Variants in SHANK2 observed in about 807,000 individuals in gnomAD.
SHANK2 encodes SH3 and multiple ankyrin repeat domains protein 2.
Under a neutral mutation model 133.7 loss-of-function variants are expected in SHANK2, and 43 were observed. The ratio of observed to expected loss-of-function variants is 0.32; its 90% CI spans 0.25 to 0.41. The LOEUF is 0.41. Among genes scored for constraint, SHANK2 ranks in the 10% least tolerant of loss-of-function variants. The pLI is 1.00. For synonymous variants in SHANK2, 1,017 were observed against 952.8 expected (o/e 1.07, Z -1.24); for missense variants, 1,994 against 2,235.8 (o/e 0.89, Z 2.18).
intron 11 of SHANK2, among the ~76,000 whole-genome samples, chr11:70,836,768 C>T (rs1326654849): frequency 6.6e-6 from 1 of 152,246 alleles, no homozygotes; most frequent in African/African-American, 2.4e-5. Context: ...GCACCTGAGA[C>T]CATCTGAGGC....
rs539015640 is a variant in SHANK2 at position 70,889,721 on chromosome 11, C to T, written c.1174+6780G>A. Among the ~76,000 whole-genome samples, 5 of 152,258 alleles carry T rather than the reference C, an allele frequency of 3.3e-5. No individual in the cohort carries two copies. In the East Asian group the frequency reaches 5.8e-4, roughly 18 times the overall value. On this transcript the variant is annotated intron_variant, in intron 11 of 25. Coordinates refer to ENST00000601538, the MANE Select transcript of SHANK2 (RefSeq NM_012309.5). ...CCAAATCATACAGGCCGCTGGGCAG[C>T]GGGGGCCTCAGTGGGTAGGAGAGGG...
At chr11:70,571,460 C>T (rs2060044391) in intron 17 of SHANK2, 3 of 152,208 alleles carry the variant, frequency 2.0e-5, no homozygotes, top group African/African-American at 7.2e-5. Flanking sequence ...TACCATCGTG[C>T]TACTTTTTCT....
At chr11:70,864,177 G>A (rs1460174641) in intron 11 of SHANK2, 3 of 204,798 alleles carry the variant, frequency 1.5e-5, no homozygotes, top group African/African-American at 7.1e-5. Flanking sequence ...CCATCATTTG[G>A]AAAGGGAAAA....
At chr11:71,124,309 GA>G (rs1452788531) in intron 3 of SHANK2, among the ~76,000 whole-genome samples, 2 of 108,734 alleles carry the variant, frequency 1.8e-5, no homozygotes, top group Non-Finnish European at 4.0e-5. Context: ...CAATCATGAT[GA>G]TAGTGATGGT....
rs557206432 is a variant in SHANK2 at position 71,164,300 on chromosome 11, G to A, written c.-12-16962C>T. Among the ~76,000 whole-genome samples the A allele has an allele frequency of 7.9e-5, 12 of 152,316 alleles. No homozygotes were observed. In the South Asian group the frequency reaches 2.5e-3, roughly 32 times the overall value. ...TGGCCTTTGAAGATTAAATATCACA[G>A]CACATTGCATCTCAGCAGTGTCTGT... On this transcript the variant is annotated intron_variant, in intron 2 of 25. Coordinates refer to ENST00000601538, the MANE Select transcript of SHANK2 (RefSeq NM_012309.5).
intron 10 of SHANK2, among the ~76,000 whole-genome samples, chr11:70,942,257 C>A (rs2135851055): frequency 6.6e-6 from 1 of 152,272 alleles, no homozygotes; most frequent in East Asian, 1.9e-4. Flanking sequence ...AGTTCAAGGG[C>A]ATCGCCTTGG....
intron 17 of SHANK2, chr11:70,604,412 C>T (rs1390954398): frequency 1.3e-5 from 2 of 152,406 alleles, no homozygotes; most frequent in African/African-American, 4.8e-5. Flanking sequence ...ACCCTCTGCC[C>T]TCTGAATGGT....
intron 1 of SHANK2, among the ~76,000 whole-genome samples, chr11:71,245,737 A>C (rs1954952565): frequency 6.6e-6 from 1 of 152,254 alleles, no homozygotes; most frequent in African/African-American, 2.4e-5. Context: ...GACGAGGGGC[A>C]GTAGCGACGC....
intron 2 of SHANK2, among the ~76,000 whole-genome samples, chr11:71,215,131 T>C (rs1353120144): frequency 6.6e-6 from 1 of 152,124 alleles, no homozygotes; most frequent in African/African-American, 2.4e-5. Flanking sequence ...TGCGATGTCC[T>C]TCATCAAAAC....
At chr11:70,574,814 AG>A (rs2060095103) in intron 17 of SHANK2, among the ~76,000 whole-genome samples, 1 of 152,176 alleles carries the variant, frequency 6.6e-6, no homozygotes, top group African/African-American at 2.4e-5. Flanking sequence ...AGGACATGGA[AG>A]CCCCTCTGAA....
rs1045705030 is a variant in SHANK2, at chr11:71,085,221, T to C, written c.912+7201A>G. On this transcript the variant is annotated intron_variant, in intron 8 of 25. Coordinates refer to ENST00000601538, the MANE Select transcript of SHANK2 (RefSeq NM_012309.5). ...CCTGTAATCCCAGCACTTTGGGAGG[T>C]TGAGGAGGGCAGATCACTTGAGGTC... Among the ~76,000 whole-genome samples, 320 of 151,590 alleles carry C rather than the reference T, an allele frequency of 2.1e-3. 1 individual carries two copies. The highest frequency in any genetic ancestry group is 7.2e-3 in the African/African-American group (299 of 41,302).
At chr11:70,606,907 C>A (rs2060586426) in intron 17 of SHANK2, among the ~76,000 whole-genome samples, 1 of 152,204 alleles carries the variant, frequency 6.6e-6, no homozygotes, top group African/African-American at 2.4e-5. Context: ...GCCCTTAAAT[C>A]TCTGCACAGC....
At chr11:70,563,766 G>A (rs993719321) in intron 17 of SHANK2, among the ~76,000 whole-genome samples, 31 of 152,182 alleles carry the variant, frequency 2.0e-4, no homozygotes, top group African/African-American at 5.1e-4. Flanking sequence ...TTGAACTCCC[G>A]ACCCCAGGCA....
intron 16 of SHANK2, among the ~76,000 whole-genome samples, chr11:70,660,924 T>C (rs1230624021): frequency 2.6e-5 from 4 of 152,152 alleles, no homozygotes; most frequent in African/African-American, 4.8e-5. Context: ...TCCCCTCTCA[T>C]GGGGAGGTGA....
intron 2 of SHANK2, among the ~76,000 whole-genome samples, chr11:71,197,983 CAG>C (rs1953942215): frequency 6.6e-6 from 1 of 152,214 alleles, no homozygotes; most frequent in African/African-American, 2.4e-5. Context: ...AGTTCAAACA[CAG>C]GGGCAGTCAC....
chr11:70,705,424 C>A (rs1019578803), intron 14 of SHANK2, among the ~76,000 whole-genome samples: 5 of 152,106 alleles, frequency 3.3e-5, no homozygotes, highest in African/African-American at 1.2e-4. Flanking sequence ...GGAGGGAAGA[C>A]CAGACAAAAT....
intron 3 of SHANK2, among the ~76,000 whole-genome samples, chr11:71,136,604 T>C (rs139625723): frequency 8.5e-5 from 13 of 152,310 alleles, no homozygotes; most frequent in African/African-American, 2.4e-4. Flanking sequence ...TAAAACTGCA[T>C]TTGTACCCAC....
chr11:70,595,523 C>T (rs575220621), intron 17 of SHANK2, among the ~76,000 whole-genome samples: 1 of 152,312 alleles, frequency 6.6e-6, no homozygotes, highest in East Asian at 1.9e-4. Context: ...CAACCCTCTG[C>T]GAAGGCGACG....
intron 17 of SHANK2, among the ~76,000 whole-genome samples, chr11:70,656,138 A>C (rs1555011554): frequency 6.6e-6 from 1 of 152,154 alleles, no homozygotes; most frequent in African/African-American, 2.4e-5. Flanking sequence ...TGATCTCTCC[A>C]GCCCCATGTT....
Sources: gnomAD v4.1 joint callset for allele counts (sites outside exome capture counted in the v4.1 genomes callset) on GRCh38, gnomAD v4.1.1 for gene constraint, MANE v1.5 for transcripts, NCBI Gene and HGNC (gene_info 2026-07-23, HGNC 2026-07-21) for gene names.